RTF1: variants seen among roughly 807,000 people sequenced by gnomAD.
RTF1 encodes RTF1 homolog, Paf1/RNA polymerase II complex component, also known as RNA polymerase-associated protein RTF1 homolog.
Under a neutral mutation model 95.7 loss-of-function variants are expected in RTF1, and 10 were observed. The ratio of observed to expected loss-of-function variants is 0.10; its 90% CI spans 0.06 to 0.18. The LOEUF (loss-of-function observed/expected upper bound fraction) is 0.18. Ranked by LOEUF, RTF1 falls within the 10% of genes least tolerant of loss-of-function variation. RTF1 has a pLI of 1.00. For synonymous variants in RTF1, 305 were observed against 311.8 expected, an observed-to-expected ratio of 0.98 and a Z score of 0.23; for missense variants, 458 against 875.6, an observed-to-expected ratio of 0.52 and a Z score of 6.02.
At chr15:41,421,627 T>C (rs2050602121) in intron 1 of RTF1, among the ~76,000 whole-genome samples, 1 of 141,522 alleles carries the variant, frequency 7.1e-6, no homozygotes, top group Non-Finnish European at 1.5e-5. Flanking sequence ...TGAGACCCTG[T>C]CCCAAAGAAA....
At chr15:41,480,421 G>A in intron 17 of RTF1, 96 bp downstream of exon 17, 1 of 1,025,190 alleles carries the variant, frequency 9.8e-7, no homozygotes, top group Non-Finnish European at 1.5e-6. Context: ...GAAGAAAGGG[G>A]AATGCTGGCT....
In RTF1 at chr15:41,419,379, G is replaced by C. The variant is rs189618503; in HGVS notation, c.198+2066G>C. Among the ~76,000 whole-genome samples, 385 of 152,244 alleles carry C rather than the reference G, an allele frequency of 2.5e-3. 2 individuals are homozygous for C. The highest frequency in any genetic ancestry group is 6.4e-3 in the South Asian group (31 of 4,826). On this transcript the variant is annotated intron_variant, in intron 1 of 17. Coordinates refer to ENST00000389629, the MANE Select transcript of RTF1 (RefSeq NM_015138.5). Reference sequence around the variant, plus strand: ...CTCTACTTTACATAAAGAAAATGGAGGTTGAAAAAGTTAAATAACTCACAA... The same window carrying C: ...CTCTACTTTACATAAAGAAAATGGACGTTGAAAAAGTTAAATAACTCACAA...
intron 2 of RTF1, among the ~76,000 whole-genome samples, chr15:41,441,713 A>G (rs781022322): frequency 2.0e-5 from 3 of 152,194 alleles, no homozygotes; most frequent in South Asian, 2.1e-4. Context: ...GCTGACAGCA[A>G]GCTCCACCCT....
chr15:41,453,679 A>G (rs1050214806), intron 3 of RTF1, among the ~76,000 whole-genome samples: 1 of 151,908 alleles, frequency 6.6e-6, no homozygotes, highest in Non-Finnish European at 1.5e-5. Flanking sequence ...GTGAGCTATG[A>G]TCACACCACT....
chr15:41,456,669 C>T (rs556178000), intron 3 of RTF1, among the ~76,000 whole-genome samples: 3 of 150,600 alleles, frequency 2.0e-5, no homozygotes, highest in East Asian at 4.0e-4. Context: ...TAGTGGTGAG[C>T]GCCTGAGCTA....
rs774903643 is a variant in RTF1 at position 41,457,893 on chromosome 15, C to T, written c.662+17C>T. 5.2e-5 allele frequency: 83 copies of T among 1,589,714 alleles called. No individual in the cohort carries two copies. The highest frequency in any genetic ancestry group is 6.5e-5 in the Non-Finnish European group (76 of 1,168,144). On this transcript the variant is annotated intron_variant, in intron 4 of 17. Coordinates refer to ENST00000389629, the MANE Select transcript of RTF1 (RefSeq NM_015138.5). ...GAAAAGAAGGTAAGGTTGTCCTCGT[C>T]GTTGTCCCCCCCCCGCCCCCACCTT... is the stretch of plus-strand genomic sequence containing the variant.
rs142104451 is a variant in RTF1, at chr15:41,437,640, G to A, written c.199-681G>A. On this transcript the variant is annotated intron_variant, in intron 1 of 17. Coordinates refer to ENST00000389629, the MANE Select transcript of RTF1 (RefSeq NM_015138.5). ...ACTGAGTTGAGGAGACTTCAAGTGA[G>A]AAGGGAACCATGTGACAGAGCAAAT... 2.4e-4 allele frequency among the ~76,000 whole-genome samples: 37 copies of A among 152,330 alleles called. No homozygotes were observed. In the East Asian group the frequency reaches 6.9e-3, roughly 29 times the overall value.
At chr15:41,467,725 C>T (rs910502783) in intron 6 of RTF1, among the ~76,000 whole-genome samples, 2 of 149,872 alleles carry the variant, frequency 1.3e-5, no homozygotes, top group Non-Finnish European at 3.0e-5. Flanking sequence ...AAAAAAAAAA[C>T]AACAAAAGAT....
rs113541148 is a variant in RTF1 at position 41,480,963 on chromosome 15, GTTTT to G, written c.*280_*283del. ...GTCTTTAGATTTGTGTTTGCCTTTT[GTTTT>G]TTTAACCGCGCAGTTCATTGGCCAC... is the stretch of plus-strand genomic sequence containing the variant. On this transcript the variant is annotated 3_prime_UTR_variant, in exon 18 of 18. Coordinates refer to ENST00000389629, the MANE Select transcript of RTF1 (RefSeq NM_015138.5). 3 of 423,282 alleles carry G rather than the reference GTTTT, an allele frequency of 7.1e-6. No individual in the cohort carries two copies. Among genetic ancestry groups the G allele is most frequent in the African/African-American group, 6.0e-5 (3 of 50,294 alleles). The allele number at this position is 423,282 out of a possible 1,614,324, so 26.2% of individuals were successfully genotyped here.
At chr15:41,428,257 C>CTTTTTT (rs535870983) in intron 1 of RTF1, among the ~76,000 whole-genome samples, 6 of 95,956 alleles carry the variant, frequency 6.3e-5, no homozygotes, top group East Asian at 3.2e-4. Flanking sequence ...ACTGATATCC[C>CTTTTTT]TTTTTTTTTT....
At chr15:41,471,844 A>G (rs909607779) in intron 8 of RTF1, among the ~76,000 whole-genome samples, 14 of 152,072 alleles carry the variant, frequency 9.2e-5, no homozygotes, top group Non-Finnish European at 1.5e-4. Context: ...TAATCCCAAC[A>G]CTTTGGGATT....
intron 8 of RTF1, among the ~76,000 whole-genome samples, chr15:41,472,628 C>T (rs938380814): frequency 4.6e-5 from 7 of 152,114 alleles, no homozygotes; most frequent in African/African-American, 1.7e-4. Flanking sequence ...AAGCGATTCT[C>T]ATGCCTCAGC....
chr15:41,477,093 A>G, intron 12 of RTF1, 72 bp from the exon 13 acceptor site: 7 of 1,598,238 alleles, frequency 4.4e-6, no homozygotes, highest in Non-Finnish European at 6.0e-6. Context: ...CTGTGCTGGA[A>G]GTAAGGGGAT....
intron 2 of RTF1, among the ~76,000 whole-genome samples, chr15:41,439,978 C>G (rs1338455029): frequency 6.6e-6 from 1 of 152,074 alleles, no homozygotes; most frequent in Non-Finnish European, 1.5e-5. Flanking sequence ...GTATTTTCTT[C>G]CCCTTAGTAA....
At chr15:41,476,584 G>C (rs1175201806) in intron 12 of RTF1, 61 bp downstream of exon 12, 4 of 1,459,618 alleles carry the variant, frequency 2.7e-6, no homozygotes, top group Middle Eastern at 1.7e-4. Flanking sequence ...AATCAAACTT[G>C]TTCATCCTCT....
intron 1 of RTF1, among the ~76,000 whole-genome samples, chr15:41,428,257 C>CTTTTT (rs535870983): frequency 4.2e-5 from 4 of 95,956 alleles, no homozygotes; most frequent in Non-Finnish European, 5.7e-5. Flanking sequence ...ACTGATATCC[C>CTTTTT]TTTTTTTTTT....
At chr15:41,447,054 C>G (rs778509676) in intron 2 of RTF1, among the ~76,000 whole-genome samples, 18 of 152,190 alleles carry the variant, frequency 1.2e-4, no homozygotes, top group Non-Finnish European at 2.1e-4. Flanking sequence ...CCACCTGCCT[C>G]AGTCTCACAG....
rs1414434269 is a variant in RTF1 at position 41,417,141 on chromosome 15, G to GAGC, written c.30_32dup (p.Ala16dup). 18 of 1,256,990 alleles carry GAGC rather than the reference G, an allele frequency of 1.4e-5. No homozygotes were observed. Among genetic ancestry groups the GAGC allele is most frequent in the Non-Finnish European group, 1.7e-5 (17 of 996,920 alleles). The allele number at this position is 1,256,990 out of a possible 1,614,324, so 77.9% of individuals were successfully genotyped here. On this transcript the variant is annotated inframe_insertion, in exon 1 of 18. Transcript: ENST00000389629. ...ATGCGCGGTCGCCTTTGTGTGGGTC[G>GAGC]AGCAGCGGCGGCGGCGGCGGCAGTG...
In RTF1 at chr15:41,482,196, G is replaced by A. The variant is rs1186419545; in HGVS notation, c.*1509G>A. The A allele has an allele frequency of 6.6e-6, 1 of 152,642 alleles. No individual in the cohort carries two copies. Among genetic ancestry groups the A allele is most frequent in the South Asian group, 2.1e-4 (1 of 4,832 alleles). The allele number at this position is 152,642 out of a possible 1,614,324, so 9.5% of individuals were successfully genotyped here. A position where few individuals can be genotyped will look rare whatever the true frequency, so the allele number is the denominator to read the frequency against. ...GCGAAGCCAGCAGAGGTGTGTGTATGTCTTTATGAAATGTTTGAAAAGAGA... is the reference window on the plus strand; with the variant it reads ...GCGAAGCCAGCAGAGGTGTGTGTATATCTTTATGAAATGTTTGAAAAGAGA... On this transcript the variant is annotated 3_prime_UTR_variant, in exon 18 of 18. Transcript: ENST00000389629.
Sources: allele counts gnomAD v4.1 joint callset (sites outside exome capture counted in the v4.1 genomes callset), GRCh38; gene constraint gnomAD v4.1.1; transcripts MANE v1.5; gene names NCBI Gene and HGNC (gene_info 2026-07-23, HGNC 2026-07-21).